MGAT3: variants seen among roughly 807,000 people sequenced by gnomAD.
MGAT3 encodes GlcNAc-T III.
Under a neutral mutation model 29.8 loss-of-function variants are expected in MGAT3, and 9 were observed. The ratio of observed to expected loss-of-function variants is 0.30; its 90% CI spans 0.18 to 0.53. The LOEUF (loss-of-function observed/expected upper bound fraction) is 0.53, where lower values mean the gene tolerates loss of function less well. Among genes scored for constraint, MGAT3 ranks in the 20% least tolerant of loss-of-function variants. MGAT3 has a pLI of 0.96. For synonymous variants in MGAT3, 397 were observed against 348.9 expected, an observed-to-expected ratio of 1.14 and a Z score of -1.54; for missense variants, 557 against 769.5, an observed-to-expected ratio of 0.72 and a Z score of 3.27.
At chr22:39,473,158 A>G (rs1373983384) in intron 1 of MGAT3, among the ~76,000 whole-genome samples, 1 of 152,098 alleles carries the variant, frequency 6.6e-6, no homozygotes, top group Non-Finnish European at 1.5e-5. Flanking sequence ...GAGGCCTCAG[A>G]TGTGCTGTCC....
Position 39,488,928 on chromosome 22 carries a change from A to C in MGAT3, c.1581A>C (p.Lys527Asn). 6.2e-7 allele frequency: 1 copy of C among 1,605,894 alleles called. No individual in the cohort carries two copies. Among genetic ancestry groups the C allele is most frequent in the Non-Finnish European group, 8.5e-7 (1 of 1,176,700 alleles). ...AGGGAAGGCCGCCCGCCCGGGGCAA[A>C]CTGGACGAGGCGGAAGTCTAGAGCT... ...GPEGRPPARG[K>N]LDEAEV Residue 527 changes from lysine (K) to asparagine (N), a missense_variant, in exon 2 of 2, where the codon AAA becomes AAC. Around this residue, in one of 3 missense-constraint regions of MGAT3, gnomAD observed 102 missense variants for 97.0 expected, o/e 1.05. Coordinates refer to ENST00000341184, the MANE Select transcript of MGAT3 (RefSeq NM_002409.5).
At chr22:39,471,577 C>G (rs1341823076) in intron 1 of MGAT3, among the ~76,000 whole-genome samples, 1 of 152,126 alleles carries the variant, frequency 6.6e-6, no homozygotes, top group Non-Finnish European at 1.5e-5. Flanking sequence ...CTACCCCCGC[C>G]CTTCCGGCCA....
In MGAT3 at chr22:39,490,282, A is replaced by C. The variant is rs1431926064; in HGVS notation, c.*1333A>C. Reference sequence around the variant, plus strand: ...AAGAGGGCACACCCACTTTTTGCTAAAGGCATGAGCCAGAATTGGCAGGCT... The same window carrying C: ...AAGAGGGCACACCCACTTTTTGCTACAGGCATGAGCCAGAATTGGCAGGCT... On this transcript the variant is annotated 3_prime_UTR_variant, in exon 2 of 2. Coordinates refer to ENST00000341184, the MANE Select transcript of MGAT3 (RefSeq NM_002409.5). 1 of 167,092 alleles carries C rather than the reference A, an allele frequency of 6.0e-6. No individual in the cohort carries two copies. Among genetic ancestry groups the C allele is most frequent in the Admixed American group, 6.5e-5 (1 of 15,284 alleles). 10.4% of individuals were successfully genotyped at this position (167,092 alleles called of 1,614,324 possible).
Position 39,488,062 on chromosome 22 carries a change from G to A in MGAT3, c.715G>A (p.Glu239Lys). 6.2e-7 allele frequency: 1 copy of A among 1,612,668 alleles called. No individual in the cohort carries two copies. Among genetic ancestry groups the A allele is most frequent in the Non-Finnish European group, 8.5e-7 (1 of 1,179,320 alleles). The change falls in exon 2 of 2, where the codon GAG (glutamate) becomes AAG (lysine). Residue 239 changes from glutamate (E) to lysine (K), a missense_variant. Glu to Lys is a moderately conservative substitution (Grantham distance 56, BLOSUM62 1). This residue lies in a region of MGAT3 where 243 missense variants were observed against 444.0 expected (regional missense o/e 0.55). Coordinates refer to ENST00000341184, the MANE Select transcript of MGAT3 (RefSeq NM_002409.5). ...CGTGGTGGACGCCTTTGTGGTGTGC[G>A]AGTCCAACTTCACGGCTTATGGGGA... is the stretch of plus-strand genomic sequence containing the variant. Reference protein sequence around the residue: ...GDVVDAFVVCESNFTAYGEPR... With the variant: ...GDVVDAFVVCKSNFTAYGEPR...
intron 1 of MGAT3, among the ~76,000 whole-genome samples, chr22:39,458,968 G>C (rs1301650272): frequency 6.6e-6 from 1 of 152,218 alleles, no homozygotes; most frequent in Admixed American, 6.5e-5. Flanking sequence ...TGGCTGGGGG[G>C]ATGCCGCTGG....
chr22:39,469,861 C>T (rs916820984), intron 1 of MGAT3, among the ~76,000 whole-genome samples: 5 of 152,178 alleles, frequency 3.3e-5, no homozygotes, highest in South Asian at 2.1e-4. Context: ...CAGGGCAGGG[C>T]GGCGCTGAAC....
intron 1 of MGAT3, among the ~76,000 whole-genome samples, chr22:39,471,112 C>T (rs1256024432): frequency 1.3e-5 from 2 of 152,206 alleles, no homozygotes; most frequent in South Asian, 2.1e-4. Flanking sequence ...TCTGGCTGCC[C>T]CTCTGCCTGG....
intron 1 of MGAT3, among the ~76,000 whole-genome samples, chr22:39,476,160 G>A (rs1928954913): frequency 4.6e-5 from 7 of 151,982 alleles, no homozygotes; most frequent in Admixed American, 4.6e-4. Flanking sequence ...GGTTTGGAGG[G>A]GAGAGAGTGG....
At chr22:39,461,454 C>G (rs541792241) in intron 1 of MGAT3, among the ~76,000 whole-genome samples, 2 of 152,154 alleles carry the variant, frequency 1.3e-5, no homozygotes, top group Non-Finnish European at 2.9e-5. Flanking sequence ...CGCACACTTG[C>G]ACTAACCCCT....
rs753248975 is a variant in MGAT3, at chr22:39,488,175, C to T, written c.828C>T (p.His276=). The T allele has an allele frequency of 1.2e-6, 2 of 1,612,828 alleles. No homozygotes were observed. The highest frequency in any genetic ancestry group is 1.7e-5 in the Admixed American group (1 of 60,008). The change falls in exon 2 of 2, where the codon CAC becomes CAT. Residue 276 remains histidine, a synonymous_variant. Transcript: ENST00000341184. ...AGGTGCTCTATGTCTTCCTGGACCA[C>T]TTCCCGCCCGGCGGCCGGCAGGACG... is the stretch of plus-strand genomic sequence containing the variant. ...RHKVLYVFLD[H]FPPGGRQDGW...
intron 1 of MGAT3, among the ~76,000 whole-genome samples, chr22:39,479,209 C>T (rs527651505): frequency 6.6e-6 from 1 of 152,172 alleles, no homozygotes; most frequent in Non-Finnish European, 1.5e-5. Context: ...AGTGGTGGCA[C>T]ACACCTGTAG....
At chr22:39,481,764 A>G (rs1929132902) in intron 1 of MGAT3, among the ~76,000 whole-genome samples, 1 of 152,216 alleles carries the variant, frequency 6.6e-6, no homozygotes, top group East Asian at 1.9e-4. Context: ...AGGATCCAGT[A>G]TGATCCTTCT....
chr22:39,466,963 A>G (rs147676624), intron 1 of MGAT3, among the ~76,000 whole-genome samples: 1 of 152,138 alleles, frequency 6.6e-6, no homozygotes, highest in African/African-American at 2.4e-5. Context: ...TCTTTCAGCA[A>G]TTACTCCCTA....
chr22:39,484,488 T>C (rs2145725550), intron 1 of MGAT3, among the ~76,000 whole-genome samples: 1 of 152,166 alleles, frequency 6.6e-6, no homozygotes, highest in Admixed American at 6.5e-5. Context: ...TTCTCCTGCC[T>C]CAGCCTCCCT....
At chr22:39,461,321 G>T (rs780720049) in intron 1 of MGAT3, among the ~76,000 whole-genome samples, 3 of 152,158 alleles carry the variant, frequency 2.0e-5, no homozygotes, top group Non-Finnish European at 2.9e-5. Flanking sequence ...GGGCTTTCAG[G>T]GGGAGGCATG....
At chr22:39,468,124 C>T (rs576966401) in intron 1 of MGAT3, among the ~76,000 whole-genome samples, 283 of 152,194 alleles carry the variant, frequency 1.9e-3, no homozygotes, top group Admixed American at 3.6e-3. Flanking sequence ...CAGCTGAGGG[C>T]GGGCTCCCTG....
At position 39,490,083 on chromosome 22, in the gene MGAT3, A is replaced by G. The variant is rs1292981292; in HGVS notation, c.*1134A>G. 6.0e-6 allele frequency: 1 copy of G among 167,282 alleles called. No individual in the cohort carries two copies. The highest frequency in any genetic ancestry group is 1.5e-5 in the Non-Finnish European group (1 of 68,154). 10.4% of individuals were successfully genotyped at this position (167,282 alleles called of 1,614,324 possible). A position where few individuals can be genotyped will look rare whatever the true frequency, so the allele number is the denominator to read the frequency against. On this transcript the variant is annotated 3_prime_UTR_variant, in exon 2 of 2. Coordinates refer to ENST00000341184, the MANE Select transcript of MGAT3 (RefSeq NM_002409.5). Reference sequence around the variant, plus strand: ...CTGTGATTAGGAGACCCTGAAATACAGTGGTTTAAGCAAGATGGAAGCTTG... The same window carrying G: ...CTGTGATTAGGAGACCCTGAAATACGGTGGTTTAAGCAAGATGGAAGCTTG...
chr22:39,465,219 C>T (rs1433312392), intron 1 of MGAT3, among the ~76,000 whole-genome samples: 2 of 152,212 alleles, frequency 1.3e-5, no homozygotes, highest in East Asian at 3.8e-4. Flanking sequence ...TGCAGTCCCA[C>T]ACGGGCCTGG....
At chr22:39,476,147 A>T (rs539779991) in intron 1 of MGAT3, among the ~76,000 whole-genome samples, 5 of 130,012 alleles carry the variant, frequency 3.8e-5, no homozygotes, top group African/African-American at 1.5e-4. Context: ...GCTGATGGGG[A>T]TGGGTTTGGA....
Sources: gnomAD v4.1 joint callset for allele counts (sites outside exome capture counted in the v4.1 genomes callset) on GRCh38, gnomAD v4.1.1 for gene constraint, gnomAD v4.1.1 regional missense constraint, MANE v1.5 for transcripts, NCBI Gene and HGNC (gene_info 2026-07-23, HGNC 2026-07-21) for gene names.